The following ZNG1A variants were observed in gnomAD, a reference collection of about 807,000 sequenced individuals.
The protein encoded by ZNG1A is zinc-regulated GTPase metalloprotein activator 1A.
At chr9:170,551 A>G in the ZNG1A span, among the ~76,000 whole-genome samples, 1 of 150,264 alleles carries the variant, frequency 6.7e-6, no homozygotes, top group African/African-American at 2.5e-5. Flanking sequence ...TCGCCTGGCT[A>G]GTTTTTGAAT....
At chr9:154,819 T>C in the ZNG1A span, 1 of 1,416,224 alleles carries the variant, frequency 7.1e-7, no homozygotes, top group Non-Finnish European at 9.7e-7. Flanking sequence ...CAGAGAAATG[T>C]TAAGAAACTT....
chr9:157,920 G>A, the ZNG1A span, among the ~76,000 whole-genome samples: 3 of 151,594 alleles, frequency 2.0e-5, no homozygotes, highest in Admixed American at 2.0e-4. Context: ...CCTTCTAAAA[G>A]TTCAGCAAAT....
the ZNG1A span, among the ~76,000 whole-genome samples, chr9:130,107 G>A: frequency 3.3e-5 from 5 of 151,232 alleles, 1 homozygote; most frequent in African/African-American, 9.9e-5. Flanking sequence ...TGACTAAAAC[G>A]CTGTTATGCG....
At chr9:177,306 C>A in the ZNG1A span, among the ~76,000 whole-genome samples, 1 of 152,042 alleles carries the variant, frequency 6.6e-6, no homozygotes, top group African/African-American at 2.4e-5. Flanking sequence ...TTATAAAGAT[C>A]ATTAAGGCTA....
the ZNG1A span, chr9:162,519 A>C: frequency 1.3e-6 from 2 of 1,572,878 alleles, no homozygotes; most frequent in East Asian, 2.3e-5. Context: ...ATGTTTATTA[A>C]TATTTGTACA....
At chr9:143,111 A>T in the ZNG1A span, among the ~76,000 whole-genome samples, 2 of 139,438 alleles carry the variant, frequency 1.4e-5, no homozygotes, top group African/African-American at 2.8e-5. Flanking sequence ...ATTCTACCAG[A>T]GGTACAAGGA....
chr9:136,841 G>A, the ZNG1A span, among the ~76,000 whole-genome samples: 9 of 152,040 alleles, frequency 5.9e-5, no homozygotes, highest in African/African-American at 1.4e-4. Flanking sequence ...AGTTCAAGAC[G>A]AGCCTGAGCA....
chr9:126,468 AT>A, the ZNG1A span, among the ~76,000 whole-genome samples: 1 of 150,910 alleles, frequency 6.6e-6, no homozygotes, highest in Non-Finnish European at 1.5e-5. Flanking sequence ...TTCTCCATCT[AT>A]TTTAGGTTTT....
the ZNG1A span, among the ~76,000 whole-genome samples, chr9:168,795 A>ATT: frequency 6.7e-6 from 1 of 149,992 alleles, no homozygotes; most frequent in Non-Finnish European, 1.5e-5. Flanking sequence ...TATAAATAAT[A>ATT]AAGCCTAGAT....
chr9:174,726 A>G, the ZNG1A span, among the ~76,000 whole-genome samples: 2 of 151,458 alleles, frequency 1.3e-5, no homozygotes, highest in South Asian at 2.1e-4. Flanking sequence ...AAAAAATAGT[A>G]CATTTTAAAA....
the ZNG1A span, chr9:160,107 G>T: frequency 2.2e-6 from 1 of 454,650 alleles, no homozygotes; most frequent in Non-Finnish European, 4.4e-6. Flanking sequence ...CCTCAGAATA[G>T]AGAGCTGTCA....
At chr9:162,177 T>C in the ZNG1A span, among the ~76,000 whole-genome samples, 2 of 149,420 alleles carry the variant, frequency 1.3e-5, no homozygotes, top group Admixed American at 1.3e-4. Flanking sequence ...TACCAAACTC[T>C]ACCCTAACCC....
chr9:163,027 T>C, the ZNG1A span, among the ~76,000 whole-genome samples: 1 of 151,536 alleles, frequency 6.6e-6, no homozygotes, highest in Non-Finnish European at 1.5e-5. Context: ...GAATATATGC[T>C]GATAACAAAA....
chr9:155,641 C>A, the ZNG1A span, among the ~76,000 whole-genome samples: 1 of 152,094 alleles, frequency 6.6e-6, no homozygotes, highest in African/African-American at 2.4e-5. Flanking sequence ...GGGTCTTATG[C>A]TTTATCTCAA....
chr9:138,381 C>T, the ZNG1A span, among the ~76,000 whole-genome samples: 1 of 123,648 alleles, frequency 8.1e-6, no homozygotes, highest in East Asian at 2.5e-4. Flanking sequence ...CAATCAATTT[C>T]TTTTTTCTTT....
the ZNG1A span, among the ~76,000 whole-genome samples, chr9:169,686 C>T: frequency 6.7e-6 from 1 of 149,516 alleles, no homozygotes; most frequent in East Asian, 1.9e-4. Context: ...TTGGTCAGCA[C>T]CCATCAACAT....
chr9:174,429 C>T, the ZNG1A span, among the ~76,000 whole-genome samples: 3,832 of 151,626 alleles, frequency 0.025, 68 homozygotes, highest in Middle Eastern at 0.072. Flanking sequence ...AGAATTTGGA[C>T]TATATACAGA....
chr9:127,905 C>G, the ZNG1A span, among the ~76,000 whole-genome samples: 1 of 152,166 alleles, frequency 6.6e-6, no homozygotes. Flanking sequence ...GTGGTGAATT[C>G]TCTGTTTGTC....
chr9:142,416 A>T, the ZNG1A span, among the ~76,000 whole-genome samples: 1 of 113,194 alleles, frequency 8.8e-6, no homozygotes, highest in Admixed American at 9.4e-5. Flanking sequence ...CTACATGGAA[A>T]CTGAACAACC....
Sources: allele counts gnomAD v4.1 joint callset (sites outside exome capture counted in the v4.1 genomes callset), GRCh38; gene constraint gnomAD v4.1.1; transcripts MANE v1.5; gene names NCBI Gene and HGNC (gene_info 2026-07-23, HGNC 2026-07-21).